The following RBM47 variants were observed in gnomAD, a reference collection of about 807,000 sequenced individuals.
RBM47 encodes RNA binding motif protein 47, also known as RNA-binding protein 47.
Under a neutral mutation model 47.1 loss-of-function variants are expected in RBM47, and 21 were observed. The ratio of observed to expected loss-of-function variants is 0.45; its 90% CI spans 0.32 to 0.64. The LOEUF is 0.64. RBM47 is among the 30% of genes least tolerant of loss of function. RBM47 has a pLI of 0.05. For synonymous variants in RBM47, 375 were observed against 361.7 expected, an observed-to-expected ratio of 1.04 and a Z score of -0.42; for missense variants, 708 against 870.9, an observed-to-expected ratio of 0.81 and a Z score of 2.35.
At chr4:40,451,184 C>CAAAAAAAAAAAAA (rs958122281) in intron 3 of RBM47, among the ~76,000 whole-genome samples, 10 of 51,474 alleles carry the variant, frequency 1.9e-4, no homozygotes, top group African/African-American at 6.1e-4. Flanking sequence ...CAGTAGCTAC[C>CAAAAAAAAAAAAA]AAAAAAAAAA....
At chr4:40,489,091 T>C (rs1721512198) in intron 2 of RBM47, among the ~76,000 whole-genome samples, 1 of 152,220 alleles carries the variant, frequency 6.6e-6, no homozygotes, top group Non-Finnish European at 1.5e-5. Context: ...GTACTCTGTA[T>C]GCCCCCCTCA....
At chr4:40,605,084 G>A (rs1480534965) in intron 1 of RBM47, among the ~76,000 whole-genome samples, 3 of 151,936 alleles carry the variant, frequency 2.0e-5, no homozygotes, top group African/African-American at 4.8e-5. Flanking sequence ...GTGCAATGGC[G>A]CAATCTTGGC....
At chr4:40,600,525 T>C (rs1207698804) in intron 1 of RBM47, among the ~76,000 whole-genome samples, 1 of 150,980 alleles carries the variant, frequency 6.6e-6, no homozygotes, top group Admixed American at 6.6e-5. Context: ...TCCCAGCTAC[T>C]CGGGAGGCTG....
intron 1 of RBM47, among the ~76,000 whole-genome samples, chr4:40,587,493 T>A (rs889108135): frequency 6.6e-6 from 1 of 152,180 alleles, no homozygotes; most frequent in Non-Finnish European, 1.5e-5. Flanking sequence ...GAAGACACTG[T>A]AAATATGAAG....
chr4:40,471,438 C>T (rs1174160864), intron 2 of RBM47, among the ~76,000 whole-genome samples: 1 of 152,064 alleles, frequency 6.6e-6, no homozygotes, highest in Non-Finnish European at 1.5e-5. Flanking sequence ...TGGCTCACGC[C>T]TGTAATCCCA....
At chr4:40,436,939 C>A (rs1283804776) in intron 4 of RBM47, 5 of 491,444 alleles carry the variant, frequency 1.0e-5, no homozygotes, top group Admixed American at 4.8e-5. Flanking sequence ...CCCCTCCCCC[C>A]CGCCAAAAAA....
At chr4:40,578,499 T>C (rs575178265) in intron 1 of RBM47, among the ~76,000 whole-genome samples, 11 of 152,372 alleles carry the variant, frequency 7.2e-5, no homozygotes, top group African/African-American at 2.2e-4. Context: ...CTGACACTTA[T>C]AGACAATTGT....
In RBM47 at chr4:40,432,719, C is replaced by T. The variant is rs773506304; in HGVS notation, c.1474G>A (p.Ala492Thr). 2.4e-4 allele frequency: 379 copies of T among 1,611,500 alleles called. No individual in the cohort carries two copies. The highest frequency in any genetic ancestry group is 3.0e-4 in the Non-Finnish European group (358 of 1,179,452). The change falls in exon 6 of 7, where the codon GCC becomes ACC. Residue 492 changes from alanine (A) to threonine (T), a missense_variant. Ala to Thr is a moderately conservative substitution (Grantham distance 58). Coordinates refer to ENST00000295971, the MANE Select transcript of RBM47 (RefSeq NM_001098634.2). ...VQPDPASAAA[A>T]AAAAAAAAAA... ...GCGGCGGCTGCGGCCGCGGCTGCGG[C>T]GGCAGCAGCACTGGCTGGGTCTGGC...
chr4:40,616,246 C>A (rs1035902830), intron 1 of RBM47, among the ~76,000 whole-genome samples: 3 of 151,206 alleles, frequency 2.0e-5, no homozygotes, highest in Admixed American at 6.6e-5. Flanking sequence ...CCCAGCTACT[C>A]TGGAGGCTGA....
intron 2 of RBM47, among the ~76,000 whole-genome samples, chr4:40,487,181 G>A (rs1289671073): frequency 6.6e-6 from 1 of 152,130 alleles, no homozygotes; most frequent in Admixed American, 6.6e-5. Context: ...ATTGGCAGAT[G>A]GAACCGAAAG....
chr4:40,497,211 C>T (rs900504855), intron 2 of RBM47, among the ~76,000 whole-genome samples: 16 of 152,262 alleles, frequency 1.1e-4, no homozygotes, highest in Middle Eastern at 3.4e-3. Context: ...TCCCTCACTT[C>T]GGTGTGTCTT....
intron 3 of RBM47, among the ~76,000 whole-genome samples, chr4:40,445,320 C>A (rs568789149): frequency 6.6e-6 from 1 of 151,956 alleles, no homozygotes; most frequent in Admixed American, 6.5e-5. Context: ...GCCTTTCCCC[C>A]TCTTCCAAGC....
At position 40,437,650 on chromosome 4, in the gene RBM47, G is replaced by A; in HGVS notation, c.1123+121C>T. 23 of 1,023,034 alleles carry A rather than the reference G, an allele frequency of 2.2e-5. 1 individual carries two copies. The South Asian group carries it at 3.7e-4, about 16-fold the overall frequency. 63.4% of individuals were successfully genotyped at this position (1,023,034 alleles called of 1,614,324 possible). A position where few individuals can be genotyped will look rare whatever the true frequency, so the allele number is the denominator to read the frequency against. The stretch of plus-strand genomic sequence containing the variant: ...AGACCCAGAATGCAAACCCAAAACG[G>A]GGGTGGGAGGGCCTTCAGCACCTAC... On this transcript the variant is annotated intron_variant, in intron 4 of 6. Coordinates refer to ENST00000295971, the MANE Select transcript of RBM47 (RefSeq NM_001098634.2).
In RBM47 at chr4:40,558,168, T is replaced by C. The variant is rs188252848; in HGVS notation, c.-239-13662A>G. ...TGGAGAAAACTGAAGCTCAGAGAAA[T>C]AAGTGACTCACAGTTTGTATAAGTT... is the stretch of plus-strand genomic sequence containing the variant. On this transcript the variant is annotated intron_variant, in intron 1 of 6. Transcript: ENST00000295971. 2.5e-4 allele frequency among the ~76,000 whole-genome samples: 38 copies of C among 152,270 alleles called. 1 individual carries two copies. The highest frequency in any genetic ancestry group is 1.2e-3 in the South Asian group (6 of 4,828).
chr4:40,553,054 G>A (rs771338901), intron 1 of RBM47, among the ~76,000 whole-genome samples: 2 of 149,516 alleles, frequency 1.3e-5, no homozygotes, highest in Non-Finnish European at 3.0e-5. Flanking sequence ...TACAACCTCC[G>A]CCTCCCGGGT....
chr4:40,596,137 G>C (rs1218005301), intron 1 of RBM47, among the ~76,000 whole-genome samples: 1 of 152,220 alleles, frequency 6.6e-6, no homozygotes, highest in East Asian at 1.9e-4. Flanking sequence ...GCAGGGACGT[G>C]ACTATCCTTG....
intron 2 of RBM47, chr4:40,491,620 T>C (rs1043584291): frequency 6.5e-6 from 1 of 153,824 alleles, no homozygotes; most frequent in African/African-American, 2.4e-5. Context: ...TATAAAGAAC[T>C]CCTACAACTC....
At chr4:40,614,901 C>T (rs1367852715) in intron 1 of RBM47, among the ~76,000 whole-genome samples, 1 of 152,038 alleles carries the variant, frequency 6.6e-6, no homozygotes, top group Admixed American at 6.6e-5. Flanking sequence ...TAGATAGCGC[C>T]TCATTTCTAC....
At chr4:40,598,820 A>C (rs1734983721) in intron 1 of RBM47, among the ~76,000 whole-genome samples, 1 of 148,272 alleles carries the variant, frequency 6.7e-6, no homozygotes, top group African/African-American at 2.5e-5. Flanking sequence ...TAAATGAATT[A>C]TCAGAAAGTC....
Sources: gnomAD v4.1 joint callset for allele counts (sites outside exome capture counted in the v4.1 genomes callset) on GRCh38, gnomAD v4.1.1 for gene constraint, MANE v1.5 for transcripts, NCBI Gene and HGNC (gene_info 2026-07-23, HGNC 2026-07-21) for gene names.